DNAH17: variants seen among roughly 807,000 people sequenced by gnomAD.
The protein encoded by DNAH17 is axonemal beta dynein heavy chain 17.
Under a neutral mutation model 485.6 loss-of-function variants are expected in DNAH17, and 376 were observed. The ratio of observed to expected loss-of-function variants is 0.77; its 90% CI spans 0.71 to 0.84. The LOEUF is 0.84. DNAH17 is among the 40% of genes least tolerant of loss of function. The pLI, the probability that DNAH17 is intolerant of heterozygous loss-of-function variation, is 0.00. For missense variants in DNAH17, 6,370 were observed against 5,839.3 expected (o/e 1.09, Z -2.96); for synonymous variants, 3,031 against 2,405.9 (o/e 1.26, Z -7.60).
Position 78,425,113 on chromosome 17 carries a change from G to C in DNAH17, c.13141+233C>G, listed in dbSNP as rs2146400504. The C allele has an allele frequency of 6.4e-6, 3 of 470,846 alleles. No individual in the cohort carries two copies. In the Admixed American group the frequency reaches 1.1e-4, roughly 17 times the overall value. The allele number at this position is 470,846 out of a possible 1,614,324, so 29.2% of individuals were successfully genotyped here. A position where few individuals can be genotyped will look rare whatever the true frequency, so the allele number is the denominator to read the frequency against. On this transcript the variant is annotated intron_variant, in intron 80 of 80. Transcript: ENST00000389840. ...GTTTTCATTAAAGCAGAGGCCAGGT[G>C]ACTGGGGTGTTTTTGGTCTCCTCCA... is the stretch of plus-strand genomic sequence containing the variant.
chr17:78,441,351 C>A (rs691520), intron 71 of DNAH17, among the ~76,000 whole-genome samples, 152 bp from the exon 72 acceptor site: 16 of 152,090 alleles, frequency 1.1e-4, no homozygotes, highest in African/African-American at 3.9e-4. Flanking sequence ...GAGTCTTTAC[C>A]GGGCTTTCCT....
intron 17 of DNAH17, 83 bp downstream of exon 17, chr17:78,543,774 T>C (rs764974912): frequency 1.3e-6 from 2 of 1,593,542 alleles, no homozygotes; most frequent in Admixed American, 1.7e-5. Flanking sequence ...ATCATTTTTA[T>C]GAAATCTCCA....
chr17:78,460,359 T>C (rs545872441), intron 58 of DNAH17, 102 bp from the exon 59 acceptor site: 23 of 997,408 alleles, frequency 2.3e-5, no homozygotes, highest in Non-Finnish European at 3.4e-5. Flanking sequence ...TGTGTGCATG[T>C]ATGCACGTGC....
At position 78,494,125 on chromosome 17, in the gene DNAH17, A is replaced by G. The variant is rs1358456769; in HGVS notation, c.6319T>C (p.Phe2107Leu). The part of the protein sequence containing the change: ...VELKLQAEDS[F>L]VLKVVQLEEL... ...TCCAGCTGCACCACCTTCAGCACGA[A>G]GCTGTCCTCCGCCTGCAGCTTGAGC... Residue 2107 changes from phenylalanine to leucine, a missense_variant, in exon 41 of 81, where the codon TTC (phenylalanine) becomes CTC (leucine). Coordinates refer to ENST00000389840, the MANE Select transcript of DNAH17 (RefSeq NM_173628.4). 5.0e-6 allele frequency: 8 copies of G among 1,612,720 alleles called. No homozygotes were observed. Among genetic ancestry groups the G allele is most frequent in the Non-Finnish European group, 6.8e-6 (8 of 1,179,832 alleles).
At chr17:78,445,844 C>G (rs763049153) in intron 69 of DNAH17, among the ~76,000 whole-genome samples, 164 bp from the exon 70 acceptor site, 8 of 152,208 alleles carry the variant, frequency 5.3e-5, no homozygotes, top group Non-Finnish European at 8.8e-5. Flanking sequence ...CCTCGTCTCG[C>G]TTTTTAAGTT....
intron 41 of DNAH17, 121 bp from the exon 42 acceptor site, chr17:78,492,886 T>G: frequency 1.2e-6 from 1 of 805,698 alleles, no homozygotes; most frequent in Non-Finnish European, 1.7e-6. Flanking sequence ...AGTTTCACTC[T>G]TGTCACCGAG....
Position 78,502,882 on chromosome 17 carries a change from A to G in DNAH17, c.5082+4T>C. On this transcript the variant is annotated splice_donor_region_variant and intron_variant, in intron 32 of 80. Coordinates refer to ENST00000389840, the MANE Select transcript of DNAH17 (RefSeq NM_173628.4). ...GCGCCGCCGAGCCCCCACCCGCCTC[A>G]GACCTGGGCTGGGTAGTCCAGGATC... The G allele has an allele frequency of 6.2e-7, 1 of 1,612,740 alleles. No homozygotes were observed. Among genetic ancestry groups the G allele is most frequent in the African/African-American group, 1.3e-5 (1 of 75,002 alleles).
intron 19 of DNAH17, among the ~76,000 whole-genome samples, chr17:78,533,313 C>T (rs1185391255): frequency 6.6e-6 from 1 of 152,194 alleles, no homozygotes; most frequent in Non-Finnish European, 1.5e-5. Flanking sequence ...CTCCCCCTTG[C>T]TTCAGGTGAA....
intron 19 of DNAH17, among the ~76,000 whole-genome samples, chr17:78,534,154 A>C (rs1411289314): frequency 6.6e-6 from 1 of 152,206 alleles, no homozygotes; most frequent in African/African-American, 2.4e-5. Context: ...TCTCACACCA[A>C]GCCAGTATTT....
intron 17 of DNAH17, among the ~76,000 whole-genome samples, chr17:78,540,447 A>ATGGATGGATGGATGGGTGGGTGGATGGG (rs1347854143): frequency 1.1e-3 from 7 of 6,312 alleles, no homozygotes; most frequent in African/African-American, 2.3e-3. Context: ...GGATGGATGG[A>ATGGATGGATGGATGGGTGGGTGGATGGG]TGGGTGGGTG....
rs751783321 is a variant in DNAH17 at position 78,485,760 on chromosome 17, G to A, written c.7276-3C>T. The A allele has an allele frequency of 2.5e-6, 4 of 1,608,598 alleles. No homozygotes were observed. Among genetic ancestry groups the A allele is most frequent in the Admixed American group, 1.7e-5 (1 of 59,684 alleles). On this transcript the variant is annotated splice_polypyrimidine_tract_variant and splice_region_variant and intron_variant, in intron 46 of 80. Coordinates refer to ENST00000389840, the MANE Select transcript of DNAH17 (RefSeq NM_173628.4). ...TCCGTGGTGTGGACCAAAGAGGCCTGGGGCAGGGGAGGGAAGGGGAGGGAG... is the reference window on the plus strand; with the variant it reads ...TCCGTGGTGTGGACCAAAGAGGCCTAGGGCAGGGGAGGGAAGGGGAGGGAG...
intron 64 of DNAH17, 28 bp downstream of exon 64, chr17:78,454,442 T>C: frequency 6.3e-7 from 1 of 1,576,644 alleles, no homozygotes; most frequent in Non-Finnish European, 8.7e-7. Flanking sequence ...GAGCCGGGCT[T>C]CGGCCCAGGT....
chr17:78,516,090 G>A lies in DNAH17; in HGVS notation c.3865-1068C>T, dbSNP rs114753857. On this transcript the variant is annotated intron_variant, in intron 25 of 80. Coordinates refer to ENST00000389840, the MANE Select transcript of DNAH17 (RefSeq NM_173628.4). Reference sequence around the variant, plus strand: ...TTGAGAAACATCTGAGCTTGAGAACGTAAAAACTGGGAGTGTTCACAAGAT... The same window carrying A: ...TTGAGAAACATCTGAGCTTGAGAACATAAAAACTGGGAGTGTTCACAAGAT... Among the ~76,000 whole-genome samples the A allele has an allele frequency of 1.5e-3, 234 of 152,304 alleles. 1 individual carries two copies. The highest frequency in any genetic ancestry group is 5.2e-3 in the African/African-American group (217 of 41,568).
intron 40 of DNAH17, 138 bp downstream of exon 40, chr17:78,494,455 G>A (rs2089990935): frequency 1.9e-6 from 2 of 1,053,756 alleles, no homozygotes; most frequent in East Asian, 5.1e-5. Flanking sequence ...CACGGAGGCA[G>A]CTGTGGCTCA....
At chr17:78,558,036 C>T in intron 14 of DNAH17, 72 bp downstream of exon 14, 1 of 1,515,090 alleles carries the variant, frequency 6.6e-7, no homozygotes. Flanking sequence ...CTCTGAAACA[C>T]ACAAACAAAC....
chr17:78,449,430 G>A lies in DNAH17; in HGVS notation c.11195C>T (p.Ala3732Val), dbSNP rs767618498. Residue 3732 changes from alanine to valine, a missense_variant, in exon 69 of 81, where the codon GCA (alanine) becomes GTA (valine). Ala to Val is a moderately conservative substitution (Grantham distance 64). Transcript: ENST00000389840. ...LFERDKLIFL[A>V]QVTFQVLSMK... ...AGACATTACCTGAAACGTAACTTGT[G>A]CCAGGAAAATGAGTTTGTCCCTCTC... The A allele has an allele frequency of 1.5e-5, 24 of 1,550,298 alleles. No homozygotes were observed. In the South Asian group the frequency reaches 1.9e-4, roughly 12 times the overall value.
intron 36 of DNAH17, 115 bp from the exon 37 acceptor site, chr17:78,499,227 G>A (rs1227317391): frequency 1.2e-5 from 9 of 728,430 alleles, no homozygotes; most frequent in African/African-American, 1.8e-5. Context: ...AGCTTGCTCA[G>A]GCCCCGGTGC....
At chr17:78,505,262 G>A in intron 31 of DNAH17, 31 bp downstream of exon 31, 1 of 1,612,634 alleles carries the variant, frequency 6.2e-7, no homozygotes, top group Non-Finnish European at 8.5e-7. Flanking sequence ...CCTTGTCCTG[G>A]GTTCCCTGTG....
At chr17:78,472,908 G>C in intron 54 of DNAH17, 1 of 316,882 alleles carries the variant, frequency 3.2e-6, no homozygotes, top group Non-Finnish European at 6.5e-6. Context: ...CATCCTGCCC[G>C]CTCTATCCCC....
Sources: gnomAD v4.1 joint callset for allele counts (sites outside exome capture counted in the v4.1 genomes callset) on GRCh38, gnomAD v4.1.1 for gene constraint, MANE v1.5 for transcripts, NCBI Gene and HGNC (gene_info 2026-07-23, HGNC 2026-07-21) for gene names.